The following POLDIP3 variants were observed in gnomAD, a reference collection of about 807,000 sequenced individuals.
POLDIP3 encodes the protein DNA polymerase delta interacting protein 3.
Under a neutral mutation model 45.1 loss-of-function variants are expected in POLDIP3, and 14 were observed. The observed-to-expected ratio is 0.31, with a 90% CI of 0.20 to 0.49. POLDIP3 has a LOEUF of 0.49. Ranked by LOEUF, POLDIP3 falls within the 20% of genes least tolerant of loss-of-function variation. POLDIP3 has a pLI of 0.99. For synonymous variants in POLDIP3, 223 were observed against 205.2 expected (o/e 1.09, Z -0.74); for missense variants, 511 against 538.8 (o/e 0.95, Z 0.51).
chr22:42,585,891 G>T lies in POLDIP3; in HGVS notation c.1166C>A (p.Pro389His). 1 of 1,613,474 alleles carries T rather than the reference G, an allele frequency of 6.2e-7. No individual in the cohort carries two copies. The highest frequency in any genetic ancestry group is 8.5e-7 in the Non-Finnish European group (1 of 1,179,980). ...GGTGTCAGGGTCCACTTCGGCAGGG[G>T]GGTTGGAGGAGGAGGCAGAGTTCAC... is the stretch of plus-strand genomic sequence containing the variant. ...RRVNSASSSN[P>H]PAEVDPDTIL... Residue 389 changes from proline to histidine, a missense_variant, in exon 9 of 9, where the codon CCC becomes CAC. Transcript: ENST00000252115.
intron 4 of POLDIP3, among the ~76,000 whole-genome samples, chr22:42,599,440 C>T (rs532724779): frequency 2.6e-5 from 4 of 152,278 alleles, no homozygotes; most frequent in African/African-American, 9.6e-5. Flanking sequence ...CTCATCTCTA[C>T]TAAAAATACA....
intron 3 of POLDIP3, among the ~76,000 whole-genome samples, 168 bp downstream of exon 3, chr22:42,601,801 AT>A (rs1163289032): frequency 6.6e-6 from 1 of 152,194 alleles, no homozygotes; most frequent in Non-Finnish European, 1.5e-5. Flanking sequence ...TTAAACTCAA[AT>A]TGCAAAAAGT....
chr22:42,587,277 A>G (rs1439209115), intron 8 of POLDIP3, among the ~76,000 whole-genome samples: 1 of 152,228 alleles, frequency 6.6e-6, no homozygotes, highest in Non-Finnish European at 1.5e-5. Context: ...CTAAATCAGA[A>G]AGCTGAGAAC....
intron 1 of POLDIP3, among the ~76,000 whole-genome samples, chr22:42,603,863 G>C (rs914813667): frequency 6.6e-6 from 1 of 152,190 alleles, no homozygotes; most frequent in Non-Finnish European, 1.5e-5. Flanking sequence ...GGGTACACTA[G>C]AAACCTAATC....
In POLDIP3 at chr22:42,591,972, T is replaced by C; in HGVS notation, c.1004A>G (p.Asn335Ser). 1 of 1,614,236 alleles carries C rather than the reference T, an allele frequency of 6.2e-7. No individual in the cohort carries two copies. Among genetic ancestry groups the C allele is most frequent in the Non-Finnish European group, 8.5e-7 (1 of 1,180,046 alleles). Residue 335 changes from asparagine (N) to serine (S), a missense_variant, in exon 7 of 9, where the codon AAC becomes AGC. By Grantham distance (46) the Asn-to-Ser change is conservative (BLOSUM62 1). This residue lies in a region of POLDIP3 where 66 missense variants were observed against 118.1 expected (regional missense o/e 0.56). Coordinates refer to ENST00000252115, the MANE Select transcript of POLDIP3 (RefSeq NM_032311.5). ...DDAITAYKKY[N>S]NRCLDGQPMK... ...TAACTTACCGTCCAGACACCGGTTG[T>C]TGTACTTCTTATATGCGGTGATGGC...
chr22:42,595,693 G>T (rs1925941603), intron 5 of POLDIP3, 79 bp from the exon 6 acceptor site: 3 of 1,312,730 alleles, frequency 2.3e-6, no homozygotes, highest in South Asian at 2.4e-5. Flanking sequence ...CCAGGCACGT[G>T]ACTAGGAAGG....
At chr22:42,607,278 GT>G in intron 1 of POLDIP3, among the ~76,000 whole-genome samples, 1 of 152,342 alleles carries the variant, frequency 6.6e-6, no homozygotes, top group South Asian at 2.1e-4. Flanking sequence ...TGCCTGACTG[GT>G]TTTTGTATTT....
At chr22:42,607,795 C>A (rs890032812) in intron 1 of POLDIP3, among the ~76,000 whole-genome samples, 1 of 150,564 alleles carries the variant, frequency 6.6e-6, no homozygotes, top group African/African-American at 2.5e-5. Flanking sequence ...CTCTGCCCGA[C>A]CGCCACCCCG....
In POLDIP3 at chr22:42,596,328, G is replaced by A. The variant is rs921777959; in HGVS notation, c.671C>T (p.Ala224Val). Reference protein sequence around the residue: ...LSSSKLSMSKALPLTKVVQND... With the variant: ...LSSSKLSMSKVLPLTKVVQND... Reference sequence around the variant, plus strand: ...CTGAACCACTTTGGTGAGAGGGAGGGCCTTGGACATGGAAAGCTTGGAACT... The same window carrying A: ...CTGAACCACTTTGGTGAGAGGGAGGACCTTGGACATGGAAAGCTTGGAACT... Residue 224 changes from alanine to valine, a missense_variant, in exon 5 of 9, where the codon GCC becomes GTC. Ala to Val is a moderately conservative substitution (Grantham distance 64, BLOSUM62 0). This residue lies in a region of POLDIP3 where 378 missense variants were observed against 352.3 expected (regional missense o/e 1.07). Transcript: ENST00000252115. 2 of 1,614,050 alleles carry A rather than the reference G, an allele frequency of 1.2e-6. No individual in the cohort carries two copies. The highest frequency in any genetic ancestry group is 1.7e-6 in the Non-Finnish European group (2 of 1,180,024).
chr22:42,597,540 T>C (rs1926070425), intron 4 of POLDIP3: 3 of 339,386 alleles, frequency 8.8e-6, no homozygotes, highest in Admixed American at 4.3e-5. Context: ...AACAGGCTTA[T>C]TTCACCTCTC....
intron 8 of POLDIP3, among the ~76,000 whole-genome samples, chr22:42,587,287 C>T (rs190636210): frequency 8.5e-5 from 13 of 152,248 alleles, no homozygotes; most frequent in Admixed American, 5.2e-4. Context: ...AAGCTGAGAA[C>T]GAGATCATAA....
At chr22:42,603,764 GAAAGAAA>G (rs1926548701) in intron 1 of POLDIP3, 2 of 152,268 alleles carry the variant, frequency 1.3e-5, no homozygotes, top group Admixed American at 6.5e-5. Context: ...TGGTAGGAAA[GAAAGAAA>G]AAATTGCAAT....
chr22:42,587,567 G>A lies in POLDIP3; in HGVS notation c.1027C>T (p.Pro343Ser). Residue 343 changes from proline to serine, a missense_variant, in exon 8 of 9, where the codon CCG (proline) becomes TCG (serine). Coordinates refer to ENST00000252115, the MANE Select transcript of POLDIP3 (RefSeq NM_032311.5). ...KYNNRCLDGQPMKCNLHMNGN... is the reference protein window; with the variant it reads ...KYNNRCLDGQSMKCNLHMNGN... ...TTCATGTGAAGGTTGCACTTCATCGGCTGCCCTGAAAAACCAAAGAAAGAA... is the reference window on the plus strand; with the variant it reads ...TTCATGTGAAGGTTGCACTTCATCGACTGCCCTGAAAAACCAAAGAAAGAA... 6.2e-7 allele frequency: 1 copy of A among 1,613,968 alleles called. No individual in the cohort carries two copies. Among genetic ancestry groups the A allele is most frequent in the East Asian group, 2.2e-5 (1 of 44,884 alleles).
intron 3 of POLDIP3, among the ~76,000 whole-genome samples, chr22:42,601,109 G>A (rs750950927): frequency 6.6e-5 from 10 of 151,922 alleles, no homozygotes; most frequent in African/African-American, 1.5e-4. Context: ...AAAAAGAAGC[G>A]TACATGTAAG....
intron 1 of POLDIP3, among the ~76,000 whole-genome samples, chr22:42,611,849 C>T (rs1353477824): frequency 6.6e-6 from 1 of 152,130 alleles, no homozygotes; most frequent in African/African-American, 2.4e-5. Flanking sequence ...TGCACTCCAG[C>T]CTGGGCAACA....
intron 4 of POLDIP3, 126 bp from the exon 5 acceptor site, chr22:42,596,491 A>C (rs1926001816): frequency 1.0e-6 from 1 of 984,438 alleles, no homozygotes; most frequent in Non-Finnish European, 1.5e-6. Context: ...ATTCTATTAG[A>C]GGTCTGGAGC....
At chr22:42,606,946 G>A (rs1025947450) in intron 1 of POLDIP3, among the ~76,000 whole-genome samples, 11 of 152,180 alleles carry the variant, frequency 7.2e-5, no homozygotes, top group African/African-American at 2.7e-4. Context: ...CAGCAGAGCT[G>A]GAAGAGTTAA....
In POLDIP3 at chr22:42,590,723, A is replaced by C. The variant is rs1925612269; in HGVS notation, c.1021+1232T>G. Among the ~76,000 whole-genome samples the C allele has an allele frequency of 2.6e-5, 4 of 152,358 alleles. No homozygotes were observed. In the South Asian group the frequency reaches 8.3e-4, roughly 32 times the overall value. Reference sequence around the variant, plus strand: ...CTGATAAGGGACTTAAGAATATGTAAAGTACTTCTACAACTCAGTATTTAA... The same window carrying C: ...CTGATAAGGGACTTAAGAATATGTACAGTACTTCTACAACTCAGTATTTAA... On this transcript the variant is annotated intron_variant, in intron 7 of 8. Coordinates refer to ENST00000252115, the MANE Select transcript of POLDIP3 (RefSeq NM_032311.5).
In POLDIP3 at chr22:42,614,833, G is replaced by A. The variant is rs1927385150; in HGVS notation, c.25C>T (p.Leu9Phe). 1 of 1,614,070 alleles carries A rather than the reference G, an allele frequency of 6.2e-7. No homozygotes were observed. Among genetic ancestry groups the A allele is most frequent in the Non-Finnish European group, 8.5e-7 (1 of 1,179,956 alleles). MADISLDELIRKRGAAAKG... is the reference protein window; with the variant it reads MADISLDEFIRKRGAAAKG... ...GCCGCCGCCCCGCGCTTCCTGATGAGTTCGTCCAGGGAGATGTCCGCCATC... is the reference window on the plus strand; with the variant it reads ...GCCGCCGCCCCGCGCTTCCTGATGAATTCGTCCAGGGAGATGTCCGCCATC... The change falls in exon 1 of 9, where the codon CTC becomes TTC. Residue 9 changes from leucine (L) to phenylalanine (F), a missense_variant. Physicochemically the swap from Leu to Phe is conservative, Grantham distance 22 (BLOSUM62 0). Coordinates refer to ENST00000252115, the MANE Select transcript of POLDIP3 (RefSeq NM_032311.5).
Sources: gnomAD v4.1 joint callset for allele counts (sites outside exome capture counted in the v4.1 genomes callset) on GRCh38, gnomAD v4.1.1 for gene constraint, gnomAD v4.1.1 regional missense constraint, MANE v1.5 for transcripts, NCBI Gene and HGNC (gene_info 2026-07-23, HGNC 2026-07-21) for gene names.